Variants in CHRM3 observed in about 807,000 individuals in gnomAD.
CHRM3 encodes the protein cholinergic receptor muscarinic 3, also known as muscarinic acetylcholine receptor M3.
CHRM3 carries 11 observed loss-of-function variants against 41.8 expected under a neutral mutation model. That is an observed-to-expected ratio of 0.26 (90% CI 0.17 to 0.44). CHRM3 has a LOEUF of 0.44. Among genes scored for constraint, CHRM3 ranks in the 20% least tolerant of loss-of-function variants. The pLI, the probability that CHRM3 is intolerant of heterozygous loss-of-function variation, is 1.00. For missense variants in CHRM3, 571 were observed against 745.4 expected (o/e 0.77, Z 2.72); for synonymous variants, 297 against 301.4 (o/e 0.99, Z 0.15).
intron 6 of CHRM3, among the ~76,000 whole-genome samples, chr1:239,897,299 A>T (rs1441371749): frequency 6.6e-6 from 1 of 152,200 alleles, no homozygotes; most frequent in African/African-American, 2.4e-5. Flanking sequence ...ATACTCTGAT[A>T]AATATGGACC....
At chr1:239,568,812 C>T (rs901735959) in intron 3 of CHRM3, among the ~76,000 whole-genome samples, 4 of 152,114 alleles carry the variant, frequency 2.6e-5, no homozygotes, top group African/African-American at 4.8e-5. Flanking sequence ...AAATAATCCC[C>T]AAGGAAGAAC....
intron 5 of CHRM3, among the ~76,000 whole-genome samples, chr1:239,761,054 T>C (rs1666725186): frequency 6.6e-6 from 1 of 152,238 alleles, no homozygotes; most frequent in Non-Finnish European, 1.5e-5. Flanking sequence ...CTGCTCACTT[T>C]TTTTTAATGC....
At chr1:239,393,292 A>G (rs1173766165) in intron 1 of CHRM3, among the ~76,000 whole-genome samples, 1 of 152,236 alleles carries the variant, frequency 6.6e-6, no homozygotes, top group African/African-American at 2.4e-5. Flanking sequence ...TCATTTAAAA[A>G]TGTTATTGAA....
At chr1:239,610,190 C>T (rs1158101918) in intron 3 of CHRM3, among the ~76,000 whole-genome samples, 5 of 77,884 alleles carry the variant, frequency 6.4e-5, no homozygotes, top group South Asian at 1.3e-3. Context: ...AAGACTCTGT[C>T]AAAAAAAAAA....
At position 239,913,475 on chromosome 1, in the gene CHRM3, A is replaced by G. The variant is rs1490482797; in HGVS notation, c.*4251A>G. On this transcript the variant is annotated 3_prime_UTR_variant, in exon 7 of 7. Transcript: ENST00000676153. ...CTAGCCCTTAATAGGTTCAAGGACA[A>G]GTTTACTGCTTCCTTTCTACACGCT... 6.0e-6 allele frequency: 1 copy of G among 167,112 alleles called. No homozygotes were observed. Among genetic ancestry groups the G allele is most frequent in the Non-Finnish European group, 1.5e-5 (1 of 68,120 alleles). The allele number at this position is 167,112 out of a possible 1,614,324, so 10.4% of individuals were successfully genotyped here. A position where few individuals can be genotyped will look rare whatever the true frequency, so the allele number is the denominator to read the frequency against.
rs1240863539 is a variant in CHRM3 at position 239,708,953 on chromosome 1, A to C, written c.-147+30665A>C. Among the ~76,000 whole-genome samples the C allele has an allele frequency of 2.0e-5, 3 of 151,700 alleles. No homozygotes were observed. The East Asian group carries it at 5.8e-4, about 29-fold the overall frequency. The stretch of plus-strand genomic sequence containing the variant: ...ATTATCAGCTGCTGAATTGTTTGAC[A>C]TGTTTAGGGGGTAAAAGCTTTCATT... On this transcript the variant is annotated intron_variant, in intron 5 of 6. Coordinates refer to ENST00000676153, the MANE Select transcript of CHRM3 (RefSeq NM_001375978.1).
intron 3 of CHRM3, among the ~76,000 whole-genome samples, chr1:239,565,633 T>C (rs1661285591): frequency 6.6e-6 from 1 of 152,220 alleles, no homozygotes; most frequent in African/African-American, 2.4e-5. Context: ...ATTGTCCTTG[T>C]GATCTATATT....
chr1:239,630,958 G>C (rs558744631), intron 3 of CHRM3, among the ~76,000 whole-genome samples: 4 of 152,010 alleles, frequency 2.6e-5, no homozygotes, highest in African/African-American at 9.7e-5. Flanking sequence ...GCCTTGCTTG[G>C]GTCAGTTGCC....
intron 3 of CHRM3, among the ~76,000 whole-genome samples, chr1:239,609,953 G>A (rs748560265): frequency 3.3e-5 from 5 of 152,028 alleles, no homozygotes; most frequent in Non-Finnish European, 5.9e-5. Flanking sequence ...AGCACTTTGG[G>A]AGGCCGAGGT....
At chr1:239,406,858 T>C in intron 1 of CHRM3, among the ~76,000 whole-genome samples, 1 of 152,186 alleles carries the variant, frequency 6.6e-6, no homozygotes. Flanking sequence ...GTGTTTATAA[T>C]CTACAAATAT....
chr1:239,649,641 G>A (rs898498083), intron 4 of CHRM3, among the ~76,000 whole-genome samples: 1 of 152,108 alleles, frequency 6.6e-6, no homozygotes, highest in East Asian at 1.9e-4. Context: ...ATCAAAGCCT[G>A]TTTGTGAGAT....
chr1:239,439,628 C>T (rs1371603183), intron 1 of CHRM3, among the ~76,000 whole-genome samples: 1 of 152,134 alleles, frequency 6.6e-6, no homozygotes, highest in Non-Finnish European at 1.5e-5. Context: ...CAATCTACTA[C>T]AAAAAACTGA....
chr1:239,398,479 G>A (rs908187671), intron 1 of CHRM3, among the ~76,000 whole-genome samples: 1 of 151,578 alleles, frequency 6.6e-6, no homozygotes, highest in Non-Finnish European at 1.5e-5. Context: ...CAAGTGATCT[G>A]CCCGCCTCGG....
Position 239,440,065 on chromosome 1 carries a change from G to A in CHRM3, c.-520-52644G>A, listed in dbSNP as rs149214085. Among the ~76,000 whole-genome samples, 22 of 152,130 alleles carry A rather than the reference G, an allele frequency of 1.4e-4. 1 individual carries two copies. The highest frequency in any genetic ancestry group is 5.1e-4 in the African/African-American group (21 of 41,510). ...ATATAAAAATTAGCCAGCCATGGTG[G>A]TGTGCGCCTATAATCCCAGCTACTC... On this transcript the variant is annotated intron_variant, in intron 1 of 6. Transcript: ENST00000676153.
chr1:239,480,543 A>ATTTTTT lies in CHRM3; in HGVS notation c.-520-12143_-520-12138dup, dbSNP rs745979239. 3.3e-3 allele frequency among the ~76,000 whole-genome samples: 362 copies of ATTTTTT among 110,696 alleles called. 11 individuals are homozygous for ATTTTTT. The highest frequency in any genetic ancestry group is 5.8e-3 in the Middle Eastern group (1 of 172). The allele number at this position is 110,696 out of a possible 152,430, so 72.6% of individuals were successfully genotyped here. A position where few individuals can be genotyped will look rare whatever the true frequency, so the allele number is the denominator to read the frequency against. On this transcript the variant is annotated intron_variant, in intron 1 of 6. Transcript: ENST00000676153. ...ACTCAGGTAATCCTACGATAGCCCA[A>ATTTTTT]TTTTTTTTTTTTTTTTTTTTTTTTT...
At chr1:239,669,140 C>A (rs573815592) in intron 4 of CHRM3, among the ~76,000 whole-genome samples, 2 of 152,144 alleles carry the variant, frequency 1.3e-5, no homozygotes, top group Non-Finnish European at 2.9e-5. Flanking sequence ...TGGACACAAA[C>A]CCTACTCACA....
intron 3 of CHRM3, among the ~76,000 whole-genome samples, chr1:239,631,982 G>A (rs6429148): frequency 0.26 from 40,077 of 152,066 alleles, 5,464 homozygotes; most frequent in Admixed American, 0.3. Context: ...TGTAGAATGA[G>A]GAAGTCAATA....
intron 1 of CHRM3, among the ~76,000 whole-genome samples, chr1:239,484,484 A>T (rs1172705501): frequency 6.6e-6 from 1 of 152,122 alleles, no homozygotes; most frequent in African/African-American, 2.4e-5. Context: ...GGAGGGAAAA[A>T]TATCCAAACC....
intron 1 of CHRM3, among the ~76,000 whole-genome samples, chr1:239,421,613 T>C (rs1661959537): frequency 6.6e-6 from 1 of 152,206 alleles, no homozygotes. Context: ...AAAAATAACT[T>C]CTTTGCTCTC....
Sources: allele counts gnomAD v4.1 joint callset (sites outside exome capture counted in the v4.1 genomes callset), GRCh38; gene constraint gnomAD v4.1.1; transcripts MANE v1.5; gene names NCBI Gene and HGNC (gene_info 2026-07-23, HGNC 2026-07-21).